SNX29: variants seen among roughly 807,000 people sequenced by gnomAD.
SNX29 encodes the protein sorting nexin-29.
A neutral mutation model predicts 102.1 loss-of-function variants in SNX29; 78 were observed. The observed-to-expected ratio is 0.76, with a 90% CI of 0.64 to 0.92. SNX29 has a LOEUF of 0.92. SNX29 is among the 40% of genes least tolerant of loss of function. The pLI is 0.00. For synonymous variants in SNX29, 580 were observed against 414.5 expected (o/e 1.40, Z -4.85); for missense variants, 1,280 against 1,061.7 (o/e 1.21, Z -2.86).
chr16:12,525,698 A>AC (rs34182279), intron 20 of SNX29, among the ~76,000 whole-genome samples: 4,421 of 56,964 alleles, frequency 0.078, 101 homozygotes, highest in East Asian at 0.12. Context: ...CGCCCCCCCC[A>AC]CCCCCCCCCC....
chr16:12,465,867 G>A (rs1359627265), intron 18 of SNX29, among the ~76,000 whole-genome samples: 1 of 149,868 alleles, frequency 6.7e-6, no homozygotes, highest in Admixed American at 6.7e-5. Flanking sequence ...TTTCATCAAT[G>A]TCTGATACTT....
chr16:11,985,799 C>T (rs1222336280), intron 1 of SNX29, among the ~76,000 whole-genome samples: 1 of 151,122 alleles, frequency 6.6e-6, no homozygotes, highest in Admixed American at 6.6e-5. Context: ...AGGTTTTCTT[C>T]CTGAGCAGCT....
chr16:12,540,753 C>T (rs147620928), intron 20 of SNX29, among the ~76,000 whole-genome samples: 1 of 152,222 alleles, frequency 6.6e-6, no homozygotes, highest in Non-Finnish European at 1.5e-5. Flanking sequence ...CACCATTGAT[C>T]TTACCGCCAC....
At chr16:12,406,711 C>T (rs2151525889) in intron 18 of SNX29, among the ~76,000 whole-genome samples, 1 of 152,276 alleles carries the variant, frequency 6.6e-6, no homozygotes, top group African/African-American at 2.4e-5. Flanking sequence ...AGTTCAAGAC[C>T]ATCCTGGCCA....
intron 20 of SNX29, among the ~76,000 whole-genome samples, chr16:12,547,454 CA>C (rs1381501667): frequency 4.6e-5 from 7 of 152,094 alleles, no homozygotes; most frequent in Admixed American, 2.0e-4. Flanking sequence ...GTGCCTCAGG[CA>C]GCCTGGGAAG....
At chr16:12,553,202 C>G (rs886125976) in intron 20 of SNX29, among the ~76,000 whole-genome samples, 1 of 152,130 alleles carries the variant, frequency 6.6e-6, no homozygotes, top group East Asian at 1.9e-4. Flanking sequence ...GCAGTTATTT[C>G]CAGTAGCCAT....
chr16:12,476,838 T>TTG (rs1203149853), intron 18 of SNX29, among the ~76,000 whole-genome samples: 1 of 152,150 alleles, frequency 6.6e-6, no homozygotes, highest in African/African-American at 2.4e-5. Context: ...AGGAACAGAA[T>TTG]TTATCACTCA....
chr16:12,043,224 G>A, intron 5 of SNX29, 147 bp downstream of exon 5: 1 of 1,079,078 alleles, frequency 9.3e-7, no homozygotes, highest in Non-Finnish European at 1.3e-6. Context: ...GTTCTGCTGA[G>A]CTGTGGAGAA....
intron 15 of SNX29, among the ~76,000 whole-genome samples, chr16:12,306,733 C>T (rs1344610520): frequency 6.6e-6 from 1 of 152,206 alleles, no homozygotes; most frequent in Non-Finnish European, 1.5e-5. Context: ...ATTGCTTCCC[C>T]AGCACTTTAG....
At chr16:12,214,317 T>C (rs915532991) in intron 14 of SNX29, among the ~76,000 whole-genome samples, 1 of 152,260 alleles carries the variant, frequency 6.6e-6, no homozygotes, top group Admixed American at 6.5e-5. Flanking sequence ...CGTATATTTA[T>C]TGTTGTCGTC....
intron 11 of SNX29, among the ~76,000 whole-genome samples, chr16:12,103,406 G>T (rs2053100328): frequency 6.6e-6 from 1 of 152,062 alleles, no homozygotes; most frequent in Admixed American, 6.6e-5. Flanking sequence ...TGCCACAAAT[G>T]ATCTTTGACA....
chr16:12,409,390 C>T (rs1230952783), intron 18 of SNX29, among the ~76,000 whole-genome samples: 1 of 150,284 alleles, frequency 6.7e-6, no homozygotes, highest in Non-Finnish European at 1.5e-5. Flanking sequence ...CCCCAAATTC[C>T]CTGACTCCAA....
chr16:12,533,726 T>G (rs905819574), intron 20 of SNX29, among the ~76,000 whole-genome samples: 2 of 152,124 alleles, frequency 1.3e-5, no homozygotes, highest in African/African-American at 4.8e-5. Flanking sequence ...TGCCTGTAGG[T>G]CTGGGTGGGT....
intron 18 of SNX29, among the ~76,000 whole-genome samples, chr16:12,409,880 T>G (rs1193394767): frequency 6.6e-6 from 1 of 152,250 alleles, no homozygotes; most frequent in East Asian, 1.9e-4. Context: ...CCTTTGCGTC[T>G]AGCGACCACA....
intron 19 of SNX29, among the ~76,000 whole-genome samples, chr16:12,509,031 T>C (rs1164524122): frequency 6.6e-6 from 1 of 152,152 alleles, no homozygotes; most frequent in East Asian, 1.9e-4. Flanking sequence ...TGGCTGGTGC[T>C]AACATTTTGT....
chr16:11,982,648 C>G (rs1372201356), intron 1 of SNX29, among the ~76,000 whole-genome samples: 1 of 152,048 alleles, frequency 6.6e-6, no homozygotes, highest in Non-Finnish European at 1.5e-5. Flanking sequence ...CCAGGACGGT[C>G]TCGATCTCCT....
chr16:12,563,071 A>C (rs971198577), intron 20 of SNX29, among the ~76,000 whole-genome samples: 4 of 151,952 alleles, frequency 2.6e-5, no homozygotes, highest in Admixed American at 6.6e-5. Flanking sequence ...GTACTGGAAG[A>C]GAAATCCAGA....
intron 20 of SNX29, among the ~76,000 whole-genome samples, chr16:12,565,398 C>G (rs1171291665): frequency 1.3e-5 from 2 of 152,018 alleles, no homozygotes; most frequent in East Asian, 3.9e-4. Flanking sequence ...GTGTCATCCA[C>G]TCAACTTGTC....
intron 4 of SNX29, among the ~76,000 whole-genome samples, chr16:12,041,354 C>T (rs554952328): frequency 1.1e-4 from 16 of 152,268 alleles, no homozygotes; most frequent in South Asian, 4.1e-4. Context: ...TCAGATGATC[C>T]GCTCGCATCG....
Sources: allele counts gnomAD v4.1 joint callset (sites outside exome capture counted in the v4.1 genomes callset), GRCh38; gene constraint gnomAD v4.1.1; transcripts MANE v1.5; gene names NCBI Gene and HGNC (gene_info 2026-07-23, HGNC 2026-07-21).